Variants in PTPRB observed in about 807,000 individuals in gnomAD.
PTPRB encodes the protein protein tyrosine phosphatase receptor type B, also known as receptor-type tyrosine-protein phosphatase beta.
A neutral mutation model predicts 238.1 loss-of-function variants in PTPRB; 97 were observed. The ratio of observed to expected loss-of-function variants is 0.41; its 90% CI spans 0.35 to 0.48. The LOEUF is 0.48. PTPRB is among the 20% of genes least tolerant of loss of function. The pLI is 0.30. For missense variants in PTPRB, 2,292 were observed against 2,681.9 expected, an observed-to-expected ratio of 0.85 and a Z score of 3.21; for synonymous variants, 970 against 995.4, an observed-to-expected ratio of 0.97 and a Z score of 0.48.
chr12:70,595,487 G>A (rs1882931966), intron 5 of PTPRB, among the ~76,000 whole-genome samples: 1 of 152,006 alleles, frequency 6.6e-6, no homozygotes, highest in Admixed American at 6.6e-5. Context: ...AATTTAAGAA[G>A]AGAGAAAATG....
rs1359922113 is a variant in PTPRB at position 70,623,717 on chromosome 12, G to T, written c.452-1071C>A. On this transcript the variant is annotated intron_variant, in intron 2 of 33. Coordinates refer to ENST00000334414, the MANE Select transcript of PTPRB (RefSeq NM_001109754.4). ...CTGGCTAAAAGACTGGGAGAGCGAG[G>T]ATTTTATTTTTAACTACTCATTTAC... Among the ~76,000 whole-genome samples the T allele has an allele frequency of 2.0e-5, 3 of 152,082 alleles. No homozygotes were observed. In the East Asian group the frequency reaches 5.8e-4, roughly 29 times the overall value.
At chr12:70,608,396 C>G (rs960140863) in intron 4 of PTPRB, among the ~76,000 whole-genome samples, 24 of 152,156 alleles carry the variant, frequency 1.6e-4, no homozygotes, top group African/African-American at 5.6e-4. Context: ...AAGTCTAACA[C>G]TCCCATTTTA....
Position 70,592,456 on chromosome 12 carries a change from C to T in PTPRB, c.1606G>A (p.Asp536Asn). Residue 536 changes from aspartate to asparagine, a missense_variant, in exon 7 of 34, where the codon GAT becomes AAT. By Grantham distance (23) the Asp-to-Asn change is conservative (BLOSUM62 1). Coordinates refer to ENST00000334414, the MANE Select transcript of PTPRB (RefSeq NM_001109754.4). ...VKWQRPPGNV[D>N]SYNITLSHKG... ...TGAGACAGGGTGATATTGTAAGAATCCACATTTCCAGGAGGTCTTTGCCAT... is the reference window on the plus strand; with the variant it reads ...TGAGACAGGGTGATATTGTAAGAATTCACATTTCCAGGAGGTCTTTGCCAT... 1 of 1,613,842 alleles carries T rather than the reference C, an allele frequency of 6.2e-7. No homozygotes were observed.
At chr12:70,586,447 G>A (rs148797836) in intron 9 of PTPRB, among the ~76,000 whole-genome samples, 26 of 152,254 alleles carry the variant, frequency 1.7e-4, no homozygotes, top group African/African-American at 5.8e-4. Flanking sequence ...GTCTTGGGTA[G>A]GATCTTTATA....
At chr12:70,551,213 C>T (rs1392509337) in intron 21 of PTPRB, among the ~76,000 whole-genome samples, 2 of 152,148 alleles carry the variant, frequency 1.3e-5, no homozygotes, top group South Asian at 2.1e-4. Flanking sequence ...TTGATTCTTA[C>T]AGGAACTGAT....
Position 70,566,528 on chromosome 12 carries a change from C to G in PTPRB, c.3811G>C (p.Glu1271Gln). ...TATTTCTTGCCTGGTGTTAGATCTT[C>G]AAATTTGTGTTGCTTAGTGGTGGCT... The part of the protein sequence containing the change: ...EPATTKQHKF[E>Q]DLTPGKKYKI... Residue 1271 changes from glutamate (E) to glutamine (Q), a missense_variant, in exon 15 of 34, where the codon GAA becomes CAA. Transcript: ENST00000334414. 6.2e-7 allele frequency: 1 copy of G among 1,613,986 alleles called. No homozygotes were observed.
intron 27 of PTPRB, chr12:70,538,496 A>AGC (rs1353047401): frequency 4.2e-6 from 2 of 472,866 alleles, no homozygotes; most frequent in Non-Finnish European, 7.5e-6. Flanking sequence ...TGGAGTGGCC[A>AGC]GCTCCCTTTC....
rs1423125297 is a variant in PTPRB, at chr12:70,543,819, C to A, written c.5494+738G>T. On this transcript the variant is annotated intron_variant, in intron 22 of 33. Transcript: ENST00000334414. ...AGAAAGTGCCAGAATTTCAGCTGCA[C>A]CATCTTGGGCAAATTACTTAATCTC... Among the ~76,000 whole-genome samples, 3 of 152,202 alleles carry A rather than the reference C, an allele frequency of 2.0e-5. No homozygotes were observed. The East Asian group carries it at 5.8e-4, about 29-fold the overall frequency.
intron 28 of PTPRB, 41 bp downstream of exon 28, chr12:70,538,114 A>AC (rs1377285487): frequency 6.5e-7 from 1 of 1,544,784 alleles, no homozygotes; most frequent in African/African-American, 1.4e-5. Context: ...GCCACCCACC[A>AC]AAGCCTCATC....
At chr12:70,539,565 T>A (rs1874717072) in intron 26 of PTPRB, 60 bp downstream of exon 26, 3 of 1,325,254 alleles carry the variant, frequency 2.3e-6, no homozygotes, top group South Asian at 2.6e-5. Flanking sequence ...CAGTAAACAT[T>A]AGGAAGGAAA....
At position 70,552,943 on chromosome 12, in the gene PTPRB, C is replaced by T; in HGVS notation, c.5221G>A (p.Val1741Met). The T allele has an allele frequency of 6.2e-7, 1 of 1,613,930 alleles. No homozygotes were observed. Among genetic ancestry groups the T allele is most frequent in the Non-Finnish European group, 8.5e-7 (1 of 1,179,858 alleles). Residue 1741 changes from valine to methionine, a missense_variant, in exon 21 of 34, where the codon GTG becomes ATG. Val to Met is a conservative substitution (Grantham distance 21). This residue lies in a region of PTPRB where 683 missense variants were observed against 862.0 expected (regional missense o/e 0.79). Transcript: ENST00000334414. ...LEYRHNASIRVYQTNYFASKC... is the reference protein window; with the variant it reads ...LEYRHNASIRMYQTNYFASKC... ...CTGGCAAAATAATTAGTCTGATACA[C>T]CCGAATGGAGGCATTGTGCCTGTAC...
intron 14 of PTPRB, 83 bp downstream of exon 14, chr12:70,569,592 G>A: frequency 1.3e-6 from 2 of 1,520,302 alleles, no homozygotes; most frequent in Non-Finnish European, 1.8e-6. Flanking sequence ...CTGGATTTGT[G>A]AATAGCTGAG....
At chr12:70,581,930 C>G (rs911739783) in intron 9 of PTPRB, among the ~76,000 whole-genome samples, 1 of 152,052 alleles carries the variant, frequency 6.6e-6, no homozygotes, top group Non-Finnish European at 1.5e-5. Context: ...ATTCAGAACT[C>G]TATAAAGTTG....
intron 20 of PTPRB, among the ~76,000 whole-genome samples, chr12:70,554,307 C>T (rs1211044611): frequency 6.6e-6 from 1 of 152,190 alleles, no homozygotes; most frequent in Non-Finnish European, 1.5e-5. Flanking sequence ...GCTTAAGAAA[C>T]TCATGCAGCA....
chr12:70,577,740 C>T (rs888811090), intron 10 of PTPRB, among the ~76,000 whole-genome samples: 4 of 152,150 alleles, frequency 2.6e-5, no homozygotes, highest in African/African-American at 4.8e-5. Context: ...ATACCTTATA[C>T]TTAAAAGCAC....
chr12:70,576,595 A>G lies in PTPRB; in HGVS notation c.2629T>C (p.Tyr877His). 1 of 1,500,456 alleles carries G rather than the reference A, an allele frequency of 6.7e-7. No individual in the cohort carries two copies. Among genetic ancestry groups the G allele is most frequent in the Non-Finnish European group, 8.9e-7 (1 of 1,119,056 alleles). The allele number at this position is 1,500,456 out of a possible 1,614,324, so 92.9% of individuals were successfully genotyped here. The change falls in exon 11 of 34, where the codon TAC (tyrosine) becomes CAC (histidine). Residue 877 changes from tyrosine to histidine, a missense_variant. This residue lies in a region of PTPRB where 1,205 missense variants were observed against 1,287.8 expected (regional missense o/e 0.94). Transcript: ENST00000334414. ...VTVNNSGRND[Y>H]LSVSWLLAPG... ...GCCAGCAGCCAGGAAACGCTGAGGT[A>G]GTCATTACGACCGGAATTGTTCACC...
At chr12:70,567,833 AT>A (rs1347695629) in intron 14 of PTPRB, among the ~76,000 whole-genome samples, 2 of 152,076 alleles carry the variant, frequency 1.3e-5, no homozygotes, top group East Asian at 3.9e-4. Flanking sequence ...CATGCCTCAC[AT>A]TTTTTATTCT....
chr12:70,523,313 G>C (rs1445980719), intron 33 of PTPRB, among the ~76,000 whole-genome samples: 1 of 152,064 alleles, frequency 6.6e-6, no homozygotes, highest in Non-Finnish European at 1.5e-5. Context: ...CACCATGCCT[G>C]GTTAATTTTT....
At chr12:70,573,398 G>A (rs546282794) in intron 11 of PTPRB, among the ~76,000 whole-genome samples, 95 of 151,952 alleles carry the variant, frequency 6.3e-4, no homozygotes, top group South Asian at 4.2e-3. Context: ...TTTATTTTAG[G>A]TACTGGTTGG....
Sources: gnomAD v4.1 joint callset for allele counts (sites outside exome capture counted in the v4.1 genomes callset) on GRCh38, gnomAD v4.1.1 for gene constraint, gnomAD v4.1.1 regional missense constraint, MANE v1.5 for transcripts, NCBI Gene and HGNC (gene_info 2026-07-23, HGNC 2026-07-21) for gene names.